CSMD1: variants seen among roughly 807,000 people sequenced by gnomAD.
CSMD1 encodes CUB and sushi domain-containing protein 1.
Under a neutral mutation model 417.5 loss-of-function variants are expected in CSMD1, and 213 were observed. The observed-to-expected ratio is 0.51, with a 90% CI of 0.46 to 0.57. The LOEUF is 0.57. Ranked by LOEUF, CSMD1 falls within the 20% of genes least tolerant of loss-of-function variation. The probability of loss-of-function intolerance (pLI) is 0.00; values close to 1 mark genes in which losing one functional copy is unlikely to be tolerated. For synonymous variants in CSMD1, 2,862 were observed against 1,736.8 expected (o/e 1.65, Z -16.11); for missense variants, 6,923 against 4,529.7 (o/e 1.53, Z -15.17).
At chr8:4,632,023 G>A (rs1177294633) in intron 2 of CSMD1, among the ~76,000 whole-genome samples, 1 of 152,126 alleles carries the variant, frequency 6.6e-6, no homozygotes, top group African/African-American at 2.4e-5. Flanking sequence ...GGAAATAGAT[G>A]TCAACGTCAA....
chr8:3,615,457 G>C (rs1443188196), intron 8 of CSMD1, among the ~76,000 whole-genome samples: 5 of 152,198 alleles, frequency 3.3e-5, no homozygotes, highest in Non-Finnish European at 4.4e-5. Flanking sequence ...GCCTCAAATG[G>C]ATTTCAGCGA....
intron 3 of CSMD1, among the ~76,000 whole-genome samples, chr8:4,137,828 T>A (rs1006243083): frequency 5.3e-5 from 8 of 151,376 alleles, no homozygotes; most frequent in African/African-American, 1.9e-4. Context: ...TGTCAGAAAC[T>A]CAGTTAGTGT....
rs145079551 is a variant in CSMD1, at chr8:3,345,768, G to C, written c.3474+2224C>G. 2.9e-3 allele frequency among the ~76,000 whole-genome samples: 440 copies of C among 152,280 alleles called. 3 individuals are homozygous for C. Among genetic ancestry groups the C allele is most frequent in the African/African-American group, 9.9e-3 (410 of 41,560 alleles). On this transcript the variant is annotated intron_variant, in intron 22 of 69. Transcript: ENST00000635120. ...GTTGCTGGGTTAGCTGATGATCACA[G>C]ATTAGAAGACATCACACAGAATGCT... is the stretch of plus-strand genomic sequence containing the variant.
chr8:4,825,918 C>G (rs971927350), intron 1 of CSMD1, among the ~76,000 whole-genome samples: 1 of 150,670 alleles, frequency 6.6e-6, no homozygotes, highest in Non-Finnish European at 1.5e-5. Context: ...CAAGAAAATG[C>G]AGATCAAAAA....
At chr8:4,607,386 C>T (rs1035772240) in intron 2 of CSMD1, among the ~76,000 whole-genome samples, 1 of 152,010 alleles carries the variant, frequency 6.6e-6, no homozygotes, top group African/African-American at 2.4e-5. Context: ...GGAGTAGTTG[C>T]TGGAGAATAG....
At chr8:4,737,663 C>A (rs910938184) in intron 1 of CSMD1, among the ~76,000 whole-genome samples, 3 of 152,078 alleles carry the variant, frequency 2.0e-5, no homozygotes, top group Non-Finnish European at 2.9e-5. Flanking sequence ...GAAAAAGAGA[C>A]AGGTTGGATG....
At position 4,216,352 on chromosome 8, in the gene CSMD1, C is replaced by T. The variant is rs527816901; in HGVS notation, c.416-184253G>A. Among the ~76,000 whole-genome samples, 576 of 152,276 alleles carry T rather than the reference C, an allele frequency of 3.8e-3. 5 individuals are homozygous for T. Among genetic ancestry groups the T allele is most frequent in the African/African-American group, 0.013 (550 of 41,534 alleles). ...GGGATGCTTTCAGTTCCCTTGATCT[C>T]ATCACTTTTAACATGGTGCACACAC... On this transcript the variant is annotated intron_variant, in intron 3 of 69. Transcript: ENST00000635120.
At chr8:3,721,475 C>T (rs2129044602) in intron 6 of CSMD1, among the ~76,000 whole-genome samples, 1 of 152,280 alleles carries the variant, frequency 6.6e-6, no homozygotes, top group Admixed American at 6.5e-5. Flanking sequence ...ATTAGTTTAA[C>T]ATCGGTCACT....
intron 30 of CSMD1, among the ~76,000 whole-genome samples, chr8:3,209,582 G>C (rs564686506): frequency 1.3e-5 from 2 of 152,238 alleles, no homozygotes; most frequent in Admixed American, 6.5e-5. Flanking sequence ...GCCTCCCAAA[G>C]TGCTGGAATT....
intron 7 of CSMD1, among the ~76,000 whole-genome samples, chr8:3,642,989 A>C (rs1797380745): frequency 6.6e-6 from 1 of 152,126 alleles, no homozygotes; most frequent in Admixed American, 6.5e-5. Context: ...GAATTAATAA[A>C]TTAAAAAAAA....
At chr8:3,595,974 A>G (rs962020498) in intron 8 of CSMD1, among the ~76,000 whole-genome samples, 1 of 152,136 alleles carries the variant, frequency 6.6e-6, no homozygotes, top group Non-Finnish European at 1.5e-5. Flanking sequence ...CTGAGATCCA[A>G]GGTGAAAGCC....
intron 4 of CSMD1, among the ~76,000 whole-genome samples, chr8:4,028,132 TGAA>T (rs1299279361): frequency 6.6e-6 from 1 of 152,024 alleles, no homozygotes; most frequent in Non-Finnish European, 1.5e-5. Context: ...TTCAGGAACA[TGAA>T]GAGAAAATGA....
intron 12 of CSMD1, among the ~76,000 whole-genome samples, chr8:3,463,205 C>G (rs767088625): frequency 6.6e-5 from 10 of 152,210 alleles, no homozygotes; most frequent in Non-Finnish European, 1.3e-4. Context: ...CAACCTCTCC[C>G]TCCACCCAAC....
intron 27 of CSMD1, among the ~76,000 whole-genome samples, chr8:3,229,510 A>G (rs971952105): frequency 6.6e-6 from 1 of 152,214 alleles, no homozygotes; most frequent in South Asian, 2.1e-4. Context: ...TCCTTTTAAT[A>G]AGGTCAAACT....
intron 3 of CSMD1, among the ~76,000 whole-genome samples, chr8:4,303,036 A>G (rs1798064467): frequency 6.6e-6 from 1 of 152,152 alleles, no homozygotes; most frequent in Non-Finnish European, 1.5e-5. Flanking sequence ...TTTTGTGTTT[A>G]GGGAAAACAC....
At chr8:3,630,573 A>T (rs1272241613) in intron 7 of CSMD1, among the ~76,000 whole-genome samples, 2 of 152,202 alleles carry the variant, frequency 1.3e-5, no homozygotes, top group Non-Finnish European at 2.9e-5. Context: ...GAAGGAGAGG[A>T]GGATGTTGAA....
At chr8:4,739,501 C>A (rs1628885) in intron 1 of CSMD1, among the ~76,000 whole-genome samples, 1 of 152,180 alleles carries the variant, frequency 6.6e-6, no homozygotes, top group Admixed American at 6.5e-5. Flanking sequence ...AGTAACAAAA[C>A]TTTTCTGTGC....
intron 5 of CSMD1, among the ~76,000 whole-genome samples, chr8:3,828,785 T>C (rs1438568592): frequency 6.6e-6 from 1 of 152,112 alleles, no homozygotes; most frequent in Non-Finnish European, 1.5e-5. Flanking sequence ...CTCCCAAGCA[T>C]CCTTCCACTG....
chr8:4,396,806 C>T (rs966560564), intron 3 of CSMD1, among the ~76,000 whole-genome samples: 3 of 152,028 alleles, frequency 2.0e-5, no homozygotes, highest in African/African-American at 7.2e-5. Context: ...TATGTTCTCA[C>T]TTATAAGAAG....
Sources: gnomAD v4.1 joint callset for allele counts (sites outside exome capture counted in the v4.1 genomes callset) on GRCh38, gnomAD v4.1.1 for gene constraint, MANE v1.5 for transcripts, NCBI Gene and HGNC (gene_info 2026-07-23, HGNC 2026-07-21) for gene names.